The following FOXP2 variants were observed in gnomAD, a reference collection of about 807,000 sequenced individuals.
FOXP2 encodes the protein forkhead box P2.
Under a neutral mutation model 115.8 loss-of-function variants are expected in FOXP2, and 12 were observed. The observed-to-expected ratio is 0.10, with a 90% CI of 0.07 to 0.17. The LOEUF (loss-of-function observed/expected upper bound fraction) is 0.17, where lower values mean the gene tolerates loss of function less well. FOXP2 is among the 10% of genes least tolerant of loss of function. FOXP2 has a pLI of 1.00. For missense variants in FOXP2, 629 were observed against 843.5 expected (o/e 0.75, Z 3.15); for synonymous variants, 328 against 297.7 (o/e 1.10, Z -1.05).
intron 1 of FOXP2, among the ~76,000 whole-genome samples, chr7:114,100,728 C>T (rs1342837419): frequency 6.6e-6 from 1 of 152,148 alleles, no homozygotes; most frequent in Non-Finnish European, 1.5e-5. Flanking sequence ...TGTACTCCTT[C>T]ACTTGTCATT....
Position 114,631,619 on chromosome 7 carries a change from A to G in FOXP2, c.689A>G (p.Gln230Arg), listed in dbSNP as rs1804928407. The G allele has an allele frequency of 1.2e-6, 2 of 1,613,884 alleles. No homozygotes were observed. Among genetic ancestry groups the G allele is most frequent in the Non-Finnish European group, 1.7e-6 (2 of 1,179,942 alleles). ...CTCCAGATGCAACAACTCCAGCAGC[A>G]GCAGCATCTGCTCAGCCTTCAGCGT... ...QLLQMQQLQQ[Q>R]QHLLSLQRQG... Residue 230 changes from glutamine (Q) to arginine (R), a missense_variant, in exon 6 of 17, where the codon CAG becomes CGG. By Grantham distance (43) the Gln-to-Arg change is conservative. Transcript: ENST00000350908.
chr7:114,244,826 A>G (rs922560628), intron 1 of FOXP2, among the ~76,000 whole-genome samples: 1 of 151,930 alleles, frequency 6.6e-6, no homozygotes, highest in South Asian at 2.1e-4. Flanking sequence ...CAGTGGCGCA[A>G]TCTCGGCTCA....
chr7:114,093,165 G>A (rs1799576999), intron 1 of FOXP2, among the ~76,000 whole-genome samples: 1 of 152,102 alleles, frequency 6.6e-6, no homozygotes, highest in South Asian at 2.1e-4. Flanking sequence ...TTGGCCTACT[G>A]TGGACATATA....
chr7:114,566,939 A>G (rs995738609), intron 3 of FOXP2, among the ~76,000 whole-genome samples: 5 of 151,954 alleles, frequency 3.3e-5, no homozygotes, highest in Admixed American at 1.3e-4. Flanking sequence ...TGCAAAAAAT[A>G]TTATTTTTCT....
chr7:114,281,535 C>A (rs2129174917), intron 1 of FOXP2, among the ~76,000 whole-genome samples: 1 of 152,280 alleles, frequency 6.6e-6, no homozygotes, highest in South Asian at 2.1e-4. Context: ...CTAACTGTCC[C>A]AGCATTAGAC....
chr7:114,328,516 G>C (rs939894123), intron 2 of FOXP2, among the ~76,000 whole-genome samples: 1 of 151,938 alleles, frequency 6.6e-6, no homozygotes, highest in Non-Finnish European at 1.5e-5. Context: ...GATTACAGGC[G>C]TGAGCCACCG....
chr7:114,427,879 TTATC>T (rs1194863889), intron 2 of FOXP2, among the ~76,000 whole-genome samples: 4 of 151,636 alleles, frequency 2.6e-5, no homozygotes, highest in East Asian at 1.9e-4. Flanking sequence ...TTTGAATGGT[TTATC>T]TATTATTTTA....
intron 1 of FOXP2, among the ~76,000 whole-genome samples, chr7:114,256,037 A>C (rs1180802533): frequency 6.6e-6 from 1 of 152,128 alleles, no homozygotes; most frequent in Non-Finnish European, 1.5e-5. Context: ...ATTTCTCTAC[A>C]ACCTCAACAG....
intron 2 of FOXP2, among the ~76,000 whole-genome samples, chr7:114,357,941 C>G (rs1791654285): frequency 6.6e-6 from 1 of 152,080 alleles, no homozygotes; most frequent in African/African-American, 2.4e-5. Context: ...CTGGAGGCCT[C>G]TAGGAAAGTT....
chr7:114,108,168 G>T (rs1791171815), intron 1 of FOXP2, among the ~76,000 whole-genome samples: 1 of 151,868 alleles, frequency 6.6e-6, no homozygotes, highest in Non-Finnish European at 1.5e-5. Flanking sequence ...GTTTAGCACT[G>T]TAATGTGTAT....
intron 1 of FOXP2, among the ~76,000 whole-genome samples, chr7:114,190,282 T>C (rs527435987): frequency 7.2e-5 from 11 of 152,206 alleles, no homozygotes; most frequent in Non-Finnish European, 1.3e-4. Context: ...GAGGTAGTAG[T>C]CTGAGTAAGG....
At chr7:114,474,999 G>C (rs187647111) in intron 2 of FOXP2, among the ~76,000 whole-genome samples, 22 of 151,924 alleles carry the variant, frequency 1.4e-4, no homozygotes, top group Non-Finnish European at 2.8e-4. Context: ...TAGTAAATGA[G>C]CCCTGCTTGG....
Position 114,659,658 on chromosome 7 carries a change from T to C in FOXP2, c.1632T>C (p.Asn544=). 1 of 1,613,590 alleles carries C rather than the reference T, an allele frequency of 6.2e-7. No individual in the cohort carries two copies. The highest frequency in any genetic ancestry group is 8.5e-7 in the Non-Finnish European group (1 of 1,179,602). The change falls in exon 13 of 17, where the codon AAT becomes AAC. Residue 544 remains asparagine, a synonymous_variant. Transcript: ENST00000350908. ...GGACATTTGCTTACTTCAGGCGTAA[T>C]GCAGCAACTTGGAAGGTAACTACTT... The part of the protein sequence containing the change: ...FTRTFAYFRR[N]AATWKNAVRH...
intron 2 of FOXP2, among the ~76,000 whole-genome samples, chr7:114,323,979 T>C (rs1336890216): frequency 6.6e-6 from 1 of 151,954 alleles, no homozygotes; most frequent in Non-Finnish European, 1.5e-5. Flanking sequence ...TCAATCCATA[T>C]GCCTATCAAT....
intron 3 of FOXP2, among the ~76,000 whole-genome samples, chr7:114,620,576 TG>T (rs1804196059): frequency 6.6e-6 from 1 of 152,090 alleles, no homozygotes; most frequent in Non-Finnish European, 1.5e-5. Flanking sequence ...TCAGACAGGA[TG>T]AGCAAAATTA....
intron 1 of FOXP2, among the ~76,000 whole-genome samples, chr7:114,269,311 A>C (rs185465034): frequency 6.6e-6 from 1 of 152,354 alleles, no homozygotes; most frequent in African/African-American, 2.4e-5. Context: ...TGCCTTAAAC[A>C]TGGAAGTATT....
chr7:114,436,375 G>T (rs907648080), intron 2 of FOXP2, among the ~76,000 whole-genome samples: 1 of 150,636 alleles, frequency 6.6e-6, no homozygotes, highest in Non-Finnish European at 1.5e-5. Context: ...TCTATTCCCC[G>T]CTAGACAGTA....
intron 3 of FOXP2, among the ~76,000 whole-genome samples, chr7:114,541,002 G>GTCCCCTTTAATAACCA (rs1799636867): frequency 6.6e-6 from 1 of 152,014 alleles, no homozygotes; most frequent in South Asian, 2.1e-4. Flanking sequence ...TCAAAGCAGT[G>GTCCCCTTTAATAACCA]GTCTGTGAAG....
At chr7:114,274,803 G>GTTTGTTTT (rs370924848) in intron 1 of FOXP2, among the ~76,000 whole-genome samples, 2 of 150,608 alleles carry the variant, frequency 1.3e-5, no homozygotes, top group Non-Finnish European at 3.0e-5. Context: ...TTTTTTGTTT[G>GTTTGTTTT]TTTGTTTTTT....
Sources: allele counts gnomAD v4.1 joint callset (sites outside exome capture counted in the v4.1 genomes callset), GRCh38; gene constraint gnomAD v4.1.1; transcripts MANE v1.5; gene names NCBI Gene and HGNC (gene_info 2026-07-23, HGNC 2026-07-21).